Variants in ZHX2 observed in about 807,000 individuals in gnomAD.
The protein encoded by ZHX2 is zinc fingers and homeoboxes protein 2.
A neutral mutation model predicts 21.9 loss-of-function variants in ZHX2; 6 were observed. That is an observed-to-expected ratio of 0.27 (90% CI 0.15 to 0.54). The LOEUF (loss-of-function observed/expected upper bound fraction) is 0.54, where lower values mean the gene tolerates loss of function less well. Ranked by LOEUF, ZHX2 falls within the 20% of genes least tolerant of loss-of-function variation. The pLI, the probability that ZHX2 is intolerant of heterozygous loss-of-function variation, is 0.95. For synonymous variants in ZHX2, 434 were observed against 437.1 expected (o/e 0.99, Z 0.09); for missense variants, 908 against 1,090.7 (o/e 0.83, Z 2.36).
At chr8:122,804,804 C>T (rs183339813) in intron 1 of ZHX2, among the ~76,000 whole-genome samples, 39 of 152,284 alleles carry the variant, frequency 2.6e-4, no homozygotes, top group African/African-American at 7.5e-4. Flanking sequence ...GTAGCCCAGC[C>T]GGGACTCAAA....
chr8:122,948,955 T>C (rs1001430432), intron 2 of ZHX2, among the ~76,000 whole-genome samples: 1 of 152,072 alleles, frequency 6.6e-6, no homozygotes, highest in African/African-American at 2.4e-5. Context: ...GAGAAAAAAA[T>C]TGGTAAATCT....
Position 122,828,646 on chromosome 8 carries a change from C to T in ZHX2, c.-282-34831C>T, listed in dbSNP as rs925308715. Among the ~76,000 whole-genome samples, 3 of 152,158 alleles carry T rather than the reference C, an allele frequency of 2.0e-5. No individual in the cohort carries two copies. Among genetic ancestry groups the T allele is most frequent in the African/African-American group, 7.2e-5 (3 of 41,428 alleles). Reference sequence around the variant, plus strand: ...CTGTGGGGGATGTGCTGGCGGCAGCCCTGGTGGCCATGGGCACTGAGAAGG... The same window carrying T: ...CTGTGGGGGATGTGCTGGCGGCAGCTCTGGTGGCCATGGGCACTGAGAAGG... On this transcript the variant is annotated intron_variant, in intron 1 of 3. Coordinates refer to ENST00000314393, the MANE Select transcript of ZHX2 (RefSeq NM_014943.5). This position sits in a 1 kb window ranked among gnomAD's most constrained non-coding sequence, Gnocchi z 5.2.
At chr8:122,950,690 G>A (rs554453126) in intron 2 of ZHX2, among the ~76,000 whole-genome samples, 17 of 151,998 alleles carry the variant, frequency 1.1e-4, no homozygotes, top group African/African-American at 1.4e-4. Flanking sequence ...ATTTCATCAC[G>A]TGATGAAATA....
At chr8:122,871,241 C>T (rs114861097) in intron 2 of ZHX2, among the ~76,000 whole-genome samples, 1 of 151,966 alleles carries the variant, frequency 6.6e-6, no homozygotes, top group Non-Finnish European at 1.5e-5. Context: ...AGCACATGTA[C>T]AGTGTTAAGA....
At chr8:122,823,102 T>A (rs953198729) in intron 1 of ZHX2, among the ~76,000 whole-genome samples, 1 of 152,236 alleles carries the variant, frequency 6.6e-6, no homozygotes, top group Non-Finnish European at 1.5e-5. Flanking sequence ...GCGTGTGTCC[T>A]GGTCTGGGTC....
chr8:122,860,182 C>T (rs1387240960), intron 1 of ZHX2, among the ~76,000 whole-genome samples: 2 of 152,202 alleles, frequency 1.3e-5, no homozygotes, highest in African/African-American at 4.8e-5. Flanking sequence ...CCTTATAAAA[C>T]CATCAGATCT....
intron 2 of ZHX2, among the ~76,000 whole-genome samples, chr8:122,918,330 C>T (rs993112183): frequency 1.3e-5 from 2 of 152,188 alleles, no homozygotes; most frequent in African/African-American, 2.4e-5. Flanking sequence ...ATCCAGATCC[C>T]CAGAACCTCT....
At chr8:122,972,755 G>A (rs879474391) in intron 3 of ZHX2, among the ~76,000 whole-genome samples, 3 of 152,090 alleles carry the variant, frequency 2.0e-5, no homozygotes, top group Non-Finnish European at 4.4e-5. Context: ...TTTCTAAGGT[G>A]GGTGCTAGTG....
In ZHX2 at chr8:122,882,314, C is replaced by CAGAG. The variant is rs140529887; in HGVS notation, c.-220+18797_-220+18800dup. Among the ~76,000 whole-genome samples, 539 of 148,268 alleles carry CAGAG rather than the reference C, an allele frequency of 3.6e-3. 3 individuals are homozygous for CAGAG. The highest frequency in any genetic ancestry group is 0.015 in the Admixed American group (218 of 14,930). On this transcript the variant is annotated intron_variant, in intron 2 of 3. Transcript: ENST00000314393. ...GCATTGTTCTTCAAACACACACACA[C>CAGAG]AGAGAGAGAGAGAGAGAGAGAGAGA...
intron 2 of ZHX2, among the ~76,000 whole-genome samples, chr8:122,938,185 G>A (rs890050615): frequency 1.0e-4 from 15 of 143,734 alleles, no homozygotes; most frequent in Admixed American, 1.4e-4. Context: ...CGCCCACCTC[G>A]GCCTCCCAAA....
At chr8:122,900,983 C>A (rs1820215488) in intron 2 of ZHX2, among the ~76,000 whole-genome samples, 1 of 152,060 alleles carries the variant, frequency 6.6e-6, no homozygotes, top group Non-Finnish European at 1.5e-5. Context: ...ACTTTTTATT[C>A]TCATGGTAAT....
rs749470462 is a variant in ZHX2 at position 122,951,715 on chromosome 8, A to G, written c.205A>G (p.Ser69Gly). 2 of 1,614,144 alleles carry G rather than the reference A, an allele frequency of 1.2e-6. No individual in the cohort carries two copies. Among genetic ancestry groups the G allele is most frequent in the East Asian group, 2.2e-5 (1 of 44,870 alleles). The change falls in exon 3 of 4, where the codon AGC becomes GGC. Residue 69 changes from serine (S) to glycine (G), a missense_variant. Ser to Gly is a moderately conservative substitution (Grantham distance 56). Around this residue, in one of 4 missense-constraint regions of ZHX2, gnomAD observed 220 missense variants for 251.4 expected, o/e 0.88. Transcript: ENST00000314393. ...GATAGAGGTGAAATCTATGGGGGAA[A>G]GCCAGTCCAAAAAACTCCAAGGTGG... ...EVIEVKSMGE[S>G]QSKKLQGGYE... is the part of the protein sequence containing the mutation.
At chr8:122,929,323 T>TGCTTCTTC (rs558180699) in intron 2 of ZHX2, among the ~76,000 whole-genome samples, 58 of 152,296 alleles carry the variant, frequency 3.8e-4, no homozygotes, top group African/African-American at 1.3e-3. Context: ...TTCATATCTT[T>TGCTTCTTC]ATATTTTGGC....
chr8:122,908,686 G>A (rs1019149381), intron 2 of ZHX2, among the ~76,000 whole-genome samples: 1 of 152,108 alleles, frequency 6.6e-6, no homozygotes, highest in Admixed American at 6.5e-5. Flanking sequence ...TCAGCATCCA[G>A]GCATCAGAGA....
rs531676609 is a variant in ZHX2 at position 122,952,315 on chromosome 8, T to G, written c.805T>G (p.Ser269Ala). Residue 269 changes from serine to alanine, a missense_variant, in exon 3 of 4, where the codon TCT becomes GCT. Ser to Ala is a moderately conservative substitution (Grantham distance 99, BLOSUM62 1). Transcript: ENST00000314393. This position sits in a 1 kb window ranked among gnomAD's most constrained non-coding sequence, Gnocchi z 6.9. ...PVPLNTTKYN[S>A]ALDTNATMIN... ...CCCACTAAATACTACCAAATACAACTCTGCCCTGGATACAAATGCCACGAT... is the reference window on the plus strand; with the variant it reads ...CCCACTAAATACTACCAAATACAACGCTGCCCTGGATACAAATGCCACGAT... 6.2e-7 allele frequency: 1 copy of G among 1,613,882 alleles called. No homozygotes were observed. The highest frequency in any genetic ancestry group is 1.3e-5 in the African/African-American group (1 of 74,922).
At chr8:122,935,690 C>T (rs1812667215) in intron 2 of ZHX2, among the ~76,000 whole-genome samples, 1 of 152,090 alleles carries the variant, frequency 6.6e-6, no homozygotes, top group South Asian at 2.1e-4. Context: ...CACCCACCAC[C>T]ATGCCCAGCT....
At chr8:122,873,776 C>A (rs546523969) in intron 2 of ZHX2, among the ~76,000 whole-genome samples, 3 of 152,284 alleles carry the variant, frequency 2.0e-5, no homozygotes, top group Admixed American at 6.5e-5. Flanking sequence ...GTACTCCTTC[C>A]TGGAAGCTCT....
intron 2 of ZHX2, among the ~76,000 whole-genome samples, chr8:122,947,024 G>A (rs1454410641): frequency 6.7e-6 from 1 of 148,732 alleles, no homozygotes; most frequent in Non-Finnish European, 1.5e-5. Flanking sequence ...GGGAGACAGA[G>A]GCAAGTGGAT....
intron 2 of ZHX2, among the ~76,000 whole-genome samples, chr8:122,878,721 A>G (rs1819627237): frequency 6.6e-6 from 1 of 152,180 alleles, no homozygotes; most frequent in Non-Finnish European, 1.5e-5. Flanking sequence ...AGGCAGGAAT[A>G]CAGGGAACAG....
Sources: gnomAD v4.1 joint callset for allele counts (sites outside exome capture counted in the v4.1 genomes callset) on GRCh38, gnomAD v4.1.1 for gene constraint, gnomAD v4.1.1 regional missense constraint, Gnocchi (gnomAD v3.1) non-coding constraint, MANE v1.5 for transcripts, NCBI Gene and HGNC (gene_info 2026-07-23, HGNC 2026-07-21) for gene names.